The following STOX1 variants were observed in gnomAD, a reference collection of about 807,000 sequenced individuals.
The protein encoded by STOX1 is storkhead-box protein 1.
In STOX1, 57 loss-of-function variants were observed where a neutral mutation model predicts 74.8. That is an observed-to-expected ratio of 0.76 (90% CI 0.62 to 0.95). STOX1 has a LOEUF of 0.95. Ranked by LOEUF, STOX1 falls within the 40% of genes least tolerant of loss-of-function variation. The pLI, the probability that STOX1 is intolerant of heterozygous loss-of-function variation, is 0.00. For missense variants in STOX1, 1,010 were observed against 1,117.0 expected, an observed-to-expected ratio of 0.90 and a Z score of 1.37; for synonymous variants, 375 against 401.3, an observed-to-expected ratio of 0.93 and a Z score of 0.78.
downstream of STOX1, chr10:68,895,378 CT>C (rs1841172748): frequency 6.6e-6 from 1 of 152,150 alleles, no homozygotes; most frequent in Admixed American, 6.5e-5. Flanking sequence ...AAATTTTCTC[CT>C]ATGAAACTCA....
chr10:68,839,519 G>C (rs1461849098), intron 1 of STOX1, among the ~76,000 whole-genome samples: 1 of 152,148 alleles, frequency 6.6e-6, no homozygotes, highest in Non-Finnish European at 1.5e-5. Context: ...ACAGCTGGGA[G>C]TCTCTCTGGC....
At position 68,873,905 on chromosome 10, in the gene STOX1, T is replaced by A. The variant is rs192339045; in HGVS notation, c.311-8053T>A. 7.2e-3 allele frequency among the ~76,000 whole-genome samples: 1,097 copies of A among 151,496 alleles called. 15 individuals are homozygous for A. The highest frequency in any genetic ancestry group is 0.025 in the African/African-American group (1,017 of 41,388). Reference sequence around the variant, plus strand: ...ACCTCGTGATCCACCCGCCTCGGCCTCTCAAAGTGCTGGGATTACAGGCGT... The same window carrying A: ...ACCTCGTGATCCACCCGCCTCGGCCACTCAAAGTGCTGGGATTACAGGCGT... On this transcript the variant is annotated intron_variant, in intron 1 of 3. Transcript: ENST00000298596.
At chr10:68,872,778 C>T (rs539504816) in intron 1 of STOX1, among the ~76,000 whole-genome samples, 36 of 151,848 alleles carry the variant, frequency 2.4e-4, no homozygotes, top group Non-Finnish European at 4.7e-4. Context: ...ATTAGTAGCA[C>T]AGTCTTTCAT....
intron 1 of STOX1, among the ~76,000 whole-genome samples, chr10:68,874,513 T>C (rs1333838428): frequency 6.6e-6 from 1 of 152,074 alleles, no homozygotes; most frequent in Non-Finnish European, 1.5e-5. Context: ...ATGTATAACC[T>C]CCATATATTA....
intron 3 of STOX1, among the ~76,000 whole-genome samples, chr10:68,891,789 G>A (rs928209735): frequency 6.6e-5 from 10 of 150,592 alleles, no homozygotes; most frequent in East Asian, 2.0e-4. Flanking sequence ...GCAACAGAGT[G>A]AGACTCTGTT....
At chr10:68,847,263 A>G (rs555381312) in intron 1 of STOX1, among the ~76,000 whole-genome samples, 3 of 152,180 alleles carry the variant, frequency 2.0e-5, no homozygotes, top group Non-Finnish European at 4.4e-5. Context: ...ACTGAGGGGA[A>G]AAAATATTTT....
intron 3 of STOX1, among the ~76,000 whole-genome samples, chr10:68,889,455 C>T (rs546393110): frequency 5.5e-4 from 84 of 152,280 alleles, no homozygotes; most frequent in Non-Finnish European, 9.6e-4. Context: ...TGTACCAGGG[C>T]TTAATAAAAG....
chr10:68,852,552 C>G (rs1168693267), intron 1 of STOX1, among the ~76,000 whole-genome samples: 2 of 151,888 alleles, frequency 1.3e-5, no homozygotes, highest in African/African-American at 4.8e-5. Flanking sequence ...GCCACCGCGC[C>G]TGGCCCTCTT....
At chr10:68,862,437 A>G (rs1476033190) in intron 1 of STOX1, among the ~76,000 whole-genome samples, 1 of 152,098 alleles carries the variant, frequency 6.6e-6, no homozygotes, top group African/African-American at 2.4e-5. Context: ...CCAACAGAAA[A>G]GGAGGGTGAA....
chr10:68,861,182 G>T (rs1282215754), intron 1 of STOX1, among the ~76,000 whole-genome samples: 3 of 152,112 alleles, frequency 2.0e-5, no homozygotes, highest in Non-Finnish European at 4.4e-5. Flanking sequence ...AAGTGGTATT[G>T]GGGGGCTAAC....
intron 2 of STOX1, among the ~76,000 whole-genome samples, chr10:68,882,647 TG>T (rs1194682832): frequency 2.0e-5 from 3 of 151,956 alleles, no homozygotes; most frequent in East Asian, 3.9e-4. Context: ...TACAGGCGCC[TG>T]CCAGCATGCC....
intron 3 of STOX1, among the ~76,000 whole-genome samples, chr10:68,889,041 C>T (rs1841037515): frequency 6.6e-6 from 1 of 151,854 alleles, no homozygotes; most frequent in South Asian, 2.1e-4. Context: ...AGTGCAATGA[C>T]ACAATCATAG....
chr10:68,842,664 C>T (rs985205380), intron 1 of STOX1, among the ~76,000 whole-genome samples: 3 of 151,434 alleles, frequency 2.0e-5, no homozygotes, highest in Admixed American at 1.3e-4. Context: ...CTCAGCCTCC[C>T]GAGTAGCGGG....
chr10:68,834,699 GA>G (rs1190315057), intron 1 of STOX1, among the ~76,000 whole-genome samples: 1 of 152,130 alleles, frequency 6.6e-6, no homozygotes, highest in Admixed American at 6.6e-5. Context: ...TCGATTCTCA[GA>G]GATAACCACT....
chr10:68,889,569 T>C (rs1841050445), intron 3 of STOX1, among the ~76,000 whole-genome samples: 1 of 152,238 alleles, frequency 6.6e-6, no homozygotes, highest in South Asian at 2.1e-4. Context: ...GTTTGTTTGC[T>C]TATTTGTTTT....
intron 1 of STOX1, among the ~76,000 whole-genome samples, chr10:68,859,086 A>G (rs1427760993): frequency 6.6e-6 from 1 of 152,006 alleles, no homozygotes; most frequent in Non-Finnish European, 1.5e-5. Context: ...TTCTTCAGCA[A>G]ATGGCAGGGA....
At chr10:68,859,194 G>A (rs564775064) in intron 1 of STOX1, among the ~76,000 whole-genome samples, 19 of 152,226 alleles carry the variant, frequency 1.2e-4, no homozygotes, top group African/African-American at 4.6e-4. Flanking sequence ...GTGGCTTATT[G>A]TCTCCATTTC....
At chr10:68,841,412 G>T (rs1417496501) in intron 1 of STOX1, among the ~76,000 whole-genome samples, 1 of 152,158 alleles carries the variant, frequency 6.6e-6, no homozygotes, top group Non-Finnish European at 1.5e-5. Context: ...GGAAATGGCT[G>T]CAGTGACCAG....
At chr10:68,869,825 G>A (rs1235610946) in intron 1 of STOX1, among the ~76,000 whole-genome samples, 2 of 152,290 alleles carry the variant, frequency 1.3e-5, no homozygotes, top group East Asian at 3.9e-4. Flanking sequence ...TTGGCATGGG[G>A]ACCCTTTTTC....
Sources: allele counts gnomAD v4.1 joint callset (sites outside exome capture counted in the v4.1 genomes callset), GRCh38; gene constraint gnomAD v4.1.1; transcripts MANE v1.5; gene names NCBI Gene and HGNC (gene_info 2026-07-23, HGNC 2026-07-21).